The following SOX6 variants were observed in gnomAD, a reference collection of about 807,000 sequenced individuals.
The protein encoded by SOX6 is transcription factor SOX-6.
A neutral mutation model predicts 97.8 loss-of-function variants in SOX6; 11 were observed. The observed-to-expected ratio is 0.11, with a 90% CI of 0.07 to 0.19. The LOEUF is 0.19. Among genes scored for constraint, SOX6 ranks in the 10% least tolerant of loss-of-function variants. The pLI is 1.00. For synonymous variants in SOX6, 360 were observed against 371.4 expected (o/e 0.97, Z 0.35); for missense variants, 810 against 1,039.5 (o/e 0.78, Z 3.04).
At chr11:16,265,940 G>C (rs1257034592) in intron 3 of SOX6, among the ~76,000 whole-genome samples, 1 of 151,688 alleles carries the variant, frequency 6.6e-6, no homozygotes, top group African/African-American at 2.4e-5. Context: ...CAGAGCATCA[G>C]TAAGCTGTGA....
At position 16,725,443 on chromosome 11, in the gene SOX6, G is replaced by A. The variant is rs138146764; in HGVS notation, n.354-10538C>T. ...AGGAGGCTGAGACAGAGGTTGCAGT[G>A]AGCAGAGATCATGCCACTGCACTCC... On this transcript the variant is annotated intron_variant and non_coding_transcript_variant, in intron 2 of 5. Transcript: ENST00000524520. Among the ~76,000 whole-genome samples, 776 of 152,068 alleles carry A rather than the reference G, an allele frequency of 5.1e-3. 3 individuals are homozygous for A. The highest frequency in any genetic ancestry group is 8.5e-3 in the Non-Finnish European group (579 of 68,002).
intron 1 of SOX6, among the ~76,000 whole-genome samples, chr11:16,349,617 A>T (rs1361084693): frequency 1.3e-5 from 2 of 149,250 alleles, no homozygotes; most frequent in East Asian, 2.1e-4. Context: ...CTCTGTCAAA[A>T]AAATAAATAA....
intron 6 of SOX6, among the ~76,000 whole-genome samples, chr11:16,115,722 C>T (rs1487909667): frequency 3.3e-5 from 5 of 152,288 alleles, no homozygotes; most frequent in South Asian, 2.1e-4. Context: ...AGGGCTTTTT[C>T]CATTACATCA....
chr11:16,026,725 T>C (rs1855225402), intron 12 of SOX6, among the ~76,000 whole-genome samples: 1 of 152,114 alleles, frequency 6.6e-6, no homozygotes, highest in African/African-American at 2.4e-5. Flanking sequence ...AAATGAGTAT[T>C]CAAATAAAAA....
At chr11:15,977,122 AATCCCCCTC>A (rs1199161569) in intron 15 of SOX6, among the ~76,000 whole-genome samples, 1 of 151,906 alleles carries the variant, frequency 6.6e-6, no homozygotes, top group East Asian at 1.9e-4. Flanking sequence ...CTGCCTGATC[AATCCCCCTC>A]ATTCCTTAAA....
intron 9 of SOX6, 60 bp downstream of exon 9, chr11:16,095,936 A>G (rs1254573672): frequency 7.1e-6 from 11 of 1,540,128 alleles, no homozygotes; most frequent in East Asian, 6.9e-5. Flanking sequence ...AAAAAAGCCT[A>G]GAGTATGACT....
At chr11:16,523,847 A>G (rs1231398699) in intron 4 of SOX6, among the ~76,000 whole-genome samples, 2 of 152,238 alleles carry the variant, frequency 1.3e-5, no homozygotes, top group African/African-American at 2.4e-5. Flanking sequence ...AGAGAATACT[A>G]CAAACACCTC....
At chr11:15,978,975 A>C (rs1198073062) in intron 15 of SOX6, among the ~76,000 whole-genome samples, 1 of 123,804 alleles carries the variant, frequency 8.1e-6, no homozygotes, top group Non-Finnish European at 1.8e-5. Flanking sequence ...TATATATATG[A>C]GCATATATAT....
At chr11:16,000,792 T>A (rs956669832) in intron 13 of SOX6, among the ~76,000 whole-genome samples, 2 of 152,144 alleles carry the variant, frequency 1.3e-5, no homozygotes, top group Non-Finnish European at 2.9e-5. Context: ...TAGTTATATA[T>A]AATGTACACA....
chr11:16,277,844 C>T (rs978329545), intron 3 of SOX6, among the ~76,000 whole-genome samples: 4 of 152,174 alleles, frequency 2.6e-5, no homozygotes, highest in Non-Finnish European at 4.4e-5. Context: ...AGTTATTCAA[C>T]GTGGTTTCAA....
At chr11:15,977,773 C>A (rs1190240607) in intron 15 of SOX6, among the ~76,000 whole-genome samples, 1 of 152,032 alleles carries the variant, frequency 6.6e-6, no homozygotes, top group African/African-American at 2.4e-5. Context: ...GCACATTGTT[C>A]TAGCCTACTC....
At chr11:16,137,875 G>GCACT (rs923502525) in intron 6 of SOX6, among the ~76,000 whole-genome samples, 2 of 152,058 alleles carry the variant, frequency 1.3e-5, no homozygotes, top group African/African-American at 4.8e-5. Flanking sequence ...CCTTCGCTGG[G>GCACT]CACTCATTCT....
At chr11:16,132,923 T>C (rs958017995) in intron 6 of SOX6, among the ~76,000 whole-genome samples, 1 of 152,188 alleles carries the variant, frequency 6.6e-6, no homozygotes, top group Admixed American at 6.5e-5. Flanking sequence ...TTTCAATCCT[T>C]CTTTTATAGT....
intron 12 of SOX6, among the ~76,000 whole-genome samples, chr11:16,022,509 T>G (rs1022301222): frequency 6.6e-6 from 1 of 151,900 alleles, no homozygotes; most frequent in African/African-American, 2.4e-5. Context: ...CCTCCCAGAT[T>G]CAAGCAATTC....
At chr11:16,249,316 G>C (rs910930885) in intron 3 of SOX6, among the ~76,000 whole-genome samples, 2 of 152,126 alleles carry the variant, frequency 1.3e-5, no homozygotes, top group Admixed American at 1.3e-4. Flanking sequence ...CAAGTTGAAA[G>C]TTCCACAAAT....
At chr11:16,220,652 C>T (rs1381143308) in intron 4 of SOX6, among the ~76,000 whole-genome samples, 1 of 151,930 alleles carries the variant, frequency 6.6e-6, no homozygotes, top group Admixed American at 6.6e-5. Context: ...TATCCAAATT[C>T]TCTTGTTCCT....
chr11:16,049,942 C>T lies in SOX6; in HGVS notation c.1252-4G>A. ...GAGGCTGTGCTGCTGCTTCATCCTA[C>T]AAGAGTTTAACGTAAATAATTATTT... On this transcript the variant is annotated splice_region_variant and splice_polypyrimidine_tract_variant and intron_variant, in intron 10 of 15. Transcript: ENST00000683767. 1.2e-6 allele frequency: 2 copies of T among 1,613,490 alleles called. No individual in the cohort carries two copies. The highest frequency in any genetic ancestry group is 1.7e-6 in the Non-Finnish European group (2 of 1,179,608).
At chr11:16,461,540 A>C (rs562834890) in intron 1 of SOX6, among the ~76,000 whole-genome samples, 3 of 152,218 alleles carry the variant, frequency 2.0e-5, no homozygotes, top group African/African-American at 7.2e-5. Context: ...CCTATCCCAT[A>C]CTATGTGCTT....
intron 3 of SOX6, among the ~76,000 whole-genome samples, chr11:16,711,977 C>T (rs1028897125): frequency 7.2e-5 from 11 of 152,126 alleles, no homozygotes; most frequent in Middle Eastern, 3.4e-3. Context: ...GTTTGGTTTT[C>T]CATTCCTGAG....
Sources: allele counts gnomAD v4.1 joint callset (sites outside exome capture counted in the v4.1 genomes callset), GRCh38; gene constraint gnomAD v4.1.1; transcripts MANE v1.5; gene names NCBI Gene and HGNC (gene_info 2026-07-23, HGNC 2026-07-21).